Variants in TMEM108 observed in about 807,000 individuals in gnomAD.
The protein encoded by TMEM108 is cancer/testis antigen 124.
TMEM108 carries 12 observed loss-of-function variants against 35.1 expected under a neutral mutation model. The observed-to-expected ratio is 0.34, with a 90% CI of 0.22 to 0.55. The LOEUF is 0.55. TMEM108 is among the 20% of genes least tolerant of loss of function. TMEM108 has a pLI of 0.89. For missense variants in TMEM108, 680 were observed against 753.3 expected, an observed-to-expected ratio of 0.90 and a Z score of 1.14; for synonymous variants, 287 against 308.6, an observed-to-expected ratio of 0.93 and a Z score of 0.73.
chr3:133,181,008 T>TTAAAAAAAAAAAAAA (rs1342312044), intron 2 of TMEM108, among the ~76,000 whole-genome samples: 2 of 75,854 alleles, frequency 2.6e-5, no homozygotes, highest in Non-Finnish European at 5.0e-5. Context: ...GCAGTTGTGT[T>TTAAAAAAAAAAAAAA]AAAAAAAAAA....
chr3:133,391,420 C>G (rs2073233139), intron 5 of TMEM108, among the ~76,000 whole-genome samples: 2 of 152,126 alleles, frequency 1.3e-5, no homozygotes, highest in Non-Finnish European at 1.5e-5. Context: ...GGTCCCTTCC[C>G]CAGAGCAGCC....
At chr3:133,282,541 C>T (rs1335727992) in intron 3 of TMEM108, among the ~76,000 whole-genome samples, 1 of 152,200 alleles carries the variant, frequency 6.6e-6, no homozygotes, top group Non-Finnish European at 1.5e-5. Flanking sequence ...ACACTTTCTT[C>T]AGCTTGTCAT....
At chr3:133,224,076 G>A (rs771843520) in intron 2 of TMEM108, among the ~76,000 whole-genome samples, 25 of 152,182 alleles carry the variant, frequency 1.6e-4, no homozygotes, top group Non-Finnish European at 3.5e-4. Flanking sequence ...AGAGACTACT[G>A]AAGGGCTTAT....
chr3:133,209,294 C>T (rs1243344124), intron 2 of TMEM108, among the ~76,000 whole-genome samples: 1 of 151,996 alleles, frequency 6.6e-6, no homozygotes, highest in Admixed American at 6.6e-5. Context: ...CCTGCCTTGG[C>T]CTTCCAAAGA....
chr3:133,061,568 T>C (rs1035571648), intron 2 of TMEM108, among the ~76,000 whole-genome samples: 1 of 152,218 alleles, frequency 6.6e-6, no homozygotes, highest in Non-Finnish European at 1.5e-5. Context: ...ATTGCCCTAC[T>C]GACCAAGTGC....
At chr3:133,318,258 C>T (rs540209970) in intron 3 of TMEM108, among the ~76,000 whole-genome samples, 6 of 152,272 alleles carry the variant, frequency 3.9e-5, no homozygotes, top group Non-Finnish European at 7.4e-5. Flanking sequence ...TTGGAGTGAA[C>T]GCCCCTGGAA....
intron 2 of TMEM108, among the ~76,000 whole-genome samples, chr3:133,215,596 G>C (rs746544894): frequency 1.3e-5 from 2 of 152,044 alleles, no homozygotes; most frequent in Non-Finnish European, 2.9e-5. Context: ...CCCCTTGCCT[G>C]TTATAAGTTG....
rs548199708 is a variant in TMEM108, at chr3:133,234,158, G to T, written c.40+4807G>T. Among the ~76,000 whole-genome samples the T allele has an allele frequency of 1.2e-4, 19 of 152,122 alleles. No individual in the cohort carries two copies. The South Asian group carries it at 4.0e-3, about 32-fold the overall frequency. ...GGTAATGCCTAGGTTTTCTTCTAGG[G>T]TTTTTATGGTTTTAGGTCTAACATT... On this transcript the variant is annotated intron_variant, in intron 3 of 5. Transcript: ENST00000321871.
At chr3:133,243,919 A>G (rs1195115996) in intron 3 of TMEM108, among the ~76,000 whole-genome samples, 1 of 152,150 alleles carries the variant, frequency 6.6e-6, no homozygotes, top group Non-Finnish European at 1.5e-5. Context: ...CTTATTAGGA[A>G]GGTTTCCCAG....
At position 133,146,634 on chromosome 3, in the gene TMEM108, A is replaced by G. The variant is rs556979418; in HGVS notation, c.-46-82632A>G. Among the ~76,000 whole-genome samples, 29 of 152,248 alleles carry G rather than the reference A, an allele frequency of 1.9e-4. No individual in the cohort carries two copies. The South Asian group carries it at 4.8e-3, about 25-fold the overall frequency. On this transcript the variant is annotated intron_variant, in intron 2 of 5. Coordinates refer to ENST00000321871, the MANE Select transcript of TMEM108 (RefSeq NM_023943.4). ...TGGTAGGCTATTAATTACTGCCTCA[A>G]TTTTAGAACTTGTTATTGGTCTATT...
chr3:133,147,370 C>T (rs928253566), intron 2 of TMEM108, among the ~76,000 whole-genome samples: 2 of 151,678 alleles, frequency 1.3e-5, no homozygotes, highest in African/African-American at 4.8e-5. Flanking sequence ...TATGTGTTCC[C>T]TTTTCTTTGA....
At chr3:133,265,864 A>G (rs1012878744) in intron 3 of TMEM108, among the ~76,000 whole-genome samples, 2 of 152,158 alleles carry the variant, frequency 1.3e-5, no homozygotes, top group African/African-American at 4.8e-5. Context: ...AAATGGCTGT[A>G]TGTGAAACAT....
At chr3:133,246,711 T>C (rs4618219) in intron 3 of TMEM108, 146,979 of 152,220 alleles carry the variant, frequency 0.97, 71,144 homozygotes, top group East Asian at 1. Context: ...TTTATCTGTA[T>C]AGGAAGGTTT....
chr3:133,196,608 A>T (rs917164151), intron 2 of TMEM108, among the ~76,000 whole-genome samples: 1 of 152,210 alleles, frequency 6.6e-6, no homozygotes, highest in Admixed American at 6.5e-5. Context: ...GCAGTGCATC[A>T]GGTAGGGGAT....
intron 3 of TMEM108, among the ~76,000 whole-genome samples, chr3:133,352,107 T>C (rs2072019809): frequency 1.3e-5 from 2 of 152,166 alleles, no homozygotes; most frequent in Non-Finnish European, 2.9e-5. Flanking sequence ...GCATCTTATT[T>C]ACAAATTTAT....
chr3:133,324,981 A>AAAG (rs766788689), intron 3 of TMEM108, among the ~76,000 whole-genome samples: 22 of 152,154 alleles, frequency 1.4e-4, no homozygotes, highest in South Asian at 4.2e-4. Flanking sequence ...ATCTCAGAAA[A>AAAG]AAGAAGAAGA....
chr3:133,062,213 A>C lies in TMEM108; in HGVS notation c.-47+16193A>C, dbSNP rs555054466. On this transcript the variant is annotated intron_variant, in intron 2 of 5. Transcript: ENST00000321871. Reference sequence around the variant, plus strand: ...GATGTTCCTTTAGCAGCATCATATTAGTTTTTGACATTGGAAAATCATAAC... The same window carrying C: ...GATGTTCCTTTAGCAGCATCATATTCGTTTTTGACATTGGAAAATCATAAC... Among the ~76,000 whole-genome samples the C allele has an allele frequency of 2.6e-3, 389 of 152,330 alleles. 1 individual carries two copies. Among genetic ancestry groups the C allele is most frequent in the African/African-American group, 8.8e-3 (365 of 41,588 alleles).
At position 133,086,966 on chromosome 3, in the gene TMEM108, A is replaced by G. The variant is rs547251181; in HGVS notation, c.-47+40946A>G. 8.9e-4 allele frequency among the ~76,000 whole-genome samples: 136 copies of G among 152,318 alleles called. 4 individuals are homozygous for G. In the South Asian group the frequency reaches 0.027, roughly 31 times the overall value. The stretch of plus-strand genomic sequence containing the variant: ...AAAAATGCAGATGTTTACAAATCCT[A>G]TACTTGTCCCAGAAACCTTAAACTC... On this transcript the variant is annotated intron_variant, in intron 2 of 5. Transcript: ENST00000321871.
At chr3:133,165,632 A>AT (rs1212377485) in intron 2 of TMEM108, among the ~76,000 whole-genome samples, 1 of 152,124 alleles carries the variant, frequency 6.6e-6, no homozygotes, top group Non-Finnish European at 1.5e-5. Flanking sequence ...AGGAGACTTT[A>AT]TTTTTTCTTA....
Sources: gnomAD v4.1 joint callset for allele counts (sites outside exome capture counted in the v4.1 genomes callset) on GRCh38, gnomAD v4.1.1 for gene constraint, MANE v1.5 for transcripts, NCBI Gene and HGNC (gene_info 2026-07-23, HGNC 2026-07-21) for gene names.